The following IL1RAPL1 variants were observed in gnomAD, a reference collection of about 807,000 sequenced individuals.
The protein encoded by IL1RAPL1 is interleukin 1 receptor accessory protein like 1.
Under a neutral mutation model 48.4 loss-of-function variants are expected in IL1RAPL1, and 3 were observed. The observed-to-expected ratio is 0.06, with a 90% CI of 0.03 to 0.16. The LOEUF (loss-of-function observed/expected upper bound fraction) is 0.16. Ranked by LOEUF, IL1RAPL1 falls within the 10% of genes least tolerant of loss-of-function variation. The probability of loss-of-function intolerance (pLI) is 1.00; values close to 1 mark genes in which losing one functional copy is unlikely to be tolerated. For synonymous variants in IL1RAPL1, 185 were observed against 187.7 expected (o/e 0.99, Z 0.12); for missense variants, 349 against 530.6 (o/e 0.66, Z 3.36).
intron 6 of IL1RAPL1, among the ~76,000 whole-genome samples, chrX:29,698,417 C>T (rs966966706): frequency 9.0e-6 from 1 of 111,378 alleles, no homozygotes; most frequent in Non-Finnish European, 1.9e-5. Flanking sequence ...CCTGGTTATT[C>T]GCTGTCTTAG....
chrX:28,681,636 G>A (rs1601857509), intron 1 of IL1RAPL1, among the ~76,000 whole-genome samples: 4 of 111,384 alleles, frequency 3.6e-5, no homozygotes, highest in African/African-American at 1.3e-4. Flanking sequence ...TTGTTAAGAG[G>A]GTAGACCTTA....
chrX:29,470,899 C>A (rs1156914159), intron 5 of IL1RAPL1, among the ~76,000 whole-genome samples: 2 of 111,805 alleles, frequency 1.8e-5, no homozygotes, highest in African/African-American at 6.5e-5. Context: ...TCCCAAAGTG[C>A]CTGGTTTATT....
intron 5 of IL1RAPL1, among the ~76,000 whole-genome samples, chrX:29,617,458 A>G (rs1250724685): frequency 8.9e-6 from 1 of 112,302 alleles, no homozygotes; most frequent in Non-Finnish European, 1.9e-5. Context: ...GAAAGGAAGC[A>G]CAGTCCTTAA....
chrX:29,539,368 C>G (rs1021984198), intron 5 of IL1RAPL1, among the ~76,000 whole-genome samples: 1 of 111,528 alleles, frequency 9.0e-6, no homozygotes, highest in Non-Finnish European at 1.9e-5. Context: ...TATTGCTTCA[C>G]GTTAAAAACC....
intron 1 of IL1RAPL1, among the ~76,000 whole-genome samples, chrX:28,698,955 C>T (rs1328701108): frequency 1.8e-5 from 2 of 111,829 alleles, no homozygotes; most frequent in African/African-American, 6.5e-5. Context: ...AAATTCTGTC[C>T]TCACAATCTC....
At chrX:29,581,826 A>AT (rs1469651970) in intron 5 of IL1RAPL1, among the ~76,000 whole-genome samples, 1 of 111,662 alleles carries the variant, frequency 9.0e-6, no homozygotes, top group Non-Finnish European at 1.9e-5. Context: ...TGAACACAAT[A>AT]AACTGTTGAT....
At chrX:28,780,333 ATGTG>A (rs1171085384) in intron 1 of IL1RAPL1, among the ~76,000 whole-genome samples, 535 of 96,502 alleles carry the variant, frequency 5.5e-3, no homozygotes, top group Non-Finnish European at 7.8e-3. Context: ...GTGTGTGTGT[ATGTG>A]TGTGTGTGTG....
At chrX:28,796,292 A>T (rs765564979) in intron 2 of IL1RAPL1, among the ~76,000 whole-genome samples, 7 of 111,421 alleles carry the variant, frequency 6.3e-5, no homozygotes, top group Non-Finnish European at 1.1e-4. Context: ...ACATTTCAAA[A>T]CCAGTCATGC....
chrX:29,802,765 ATATATATATATATATATG>A (rs1484105003), intron 6 of IL1RAPL1, among the ~76,000 whole-genome samples: 6 of 26,714 alleles, frequency 2.2e-4, no homozygotes, highest in South Asian at 3.9e-3. Context: ...ATATATATAT[ATATATATATATATATATG>A]TGTGTGTGTA....
At chrX:29,540,353 G>A (rs1049968775) in intron 5 of IL1RAPL1, among the ~76,000 whole-genome samples, 1 of 110,808 alleles carries the variant, frequency 9.0e-6, no homozygotes. Context: ...TGGTCATATT[G>A]TCCAAAGCAA....
At chrX:29,259,463 A>C (rs1403196425) in intron 2 of IL1RAPL1, among the ~76,000 whole-genome samples, 1 of 111,208 alleles carries the variant, frequency 9.0e-6, no homozygotes, top group East Asian at 2.8e-4. Flanking sequence ...TGCTACTTCT[A>C]CATTTAGGGA....
rs144985694 is a variant in IL1RAPL1 at position 28,724,587 on chromosome X, C to G, written c.-24-64733C>G. Among the ~76,000 whole-genome samples the G allele has an allele frequency of 7.0e-3, 773 of 111,172 alleles. 3 individuals carry two copies. Among genetic ancestry groups the G allele is most frequent in the Middle Eastern group, 0.019 (4 of 213 alleles). On this transcript the variant is annotated intron_variant, in intron 1 of 10. Coordinates refer to ENST00000378993, the MANE Select transcript of IL1RAPL1 (RefSeq NM_014271.4). Reference sequence around the variant, plus strand: ...GTGTCTTTTAACTGGAGCATTTAGCCCATTTACATTTAAGGTTAATATTGT... The same window carrying G: ...GTGTCTTTTAACTGGAGCATTTAGCGCATTTACATTTAAGGTTAATATTGT...
chrX:29,454,396 A>G, intron 5 of IL1RAPL1, among the ~76,000 whole-genome samples: 1 of 111,918 alleles, frequency 8.9e-6, no homozygotes, highest in South Asian at 3.7e-4. Context: ...GAAGACAGAG[A>G]CAAGGGGACA....
At chrX:28,688,228 G>T (rs1297832441) in intron 1 of IL1RAPL1, among the ~76,000 whole-genome samples, 2 of 105,873 alleles carry the variant, frequency 1.9e-5, no homozygotes, top group African/African-American at 7.0e-5. Flanking sequence ...GTCTCACTCT[G>T]TTGTCTGGGC....
In IL1RAPL1 at chrX:28,792,834, TATATATATATATATATAA is replaced by T. The variant is rs1293856288; in HGVS notation, c.82+3411_82+3428del. Among the ~76,000 whole-genome samples, 91 of 59,866 alleles carry T rather than the reference TATATATATATATATATAA, an allele frequency of 1.5e-3. 2 individuals are homozygous for T. Among genetic ancestry groups the T allele is most frequent in the African/African-American group, 5.9e-3 (72 of 12,174 alleles). The allele number at this position is 59,866 out of a possible 115,157, so 52.0% of individuals were successfully genotyped here. A position where few individuals can be genotyped will look rare whatever the true frequency, so the allele number is the denominator to read the frequency against. The stretch of plus-strand genomic sequence containing the variant: ...AAAAAAAAATATATATATATATATA[TATATATATATATATATAA>T]AAAATAAGGCAATTATATCATTATA... On this transcript the variant is annotated intron_variant, in intron 2 of 10. Coordinates refer to ENST00000378993, the MANE Select transcript of IL1RAPL1 (RefSeq NM_014271.4).
chrX:29,735,139 T>C (rs908645717), intron 6 of IL1RAPL1, among the ~76,000 whole-genome samples: 2 of 111,963 alleles, frequency 1.8e-5, no homozygotes, highest in African/African-American at 6.5e-5. Flanking sequence ...TGCATCCCTT[T>C]CTGGAGGCTC....
At chrX:28,905,580 T>A (rs758454797) in intron 2 of IL1RAPL1, among the ~76,000 whole-genome samples, 1 of 112,130 alleles carries the variant, frequency 8.9e-6, no homozygotes, top group Non-Finnish European at 1.9e-5. Context: ...GGTATCTTTC[T>A]GAATTAGAAC....
intron 2 of IL1RAPL1, among the ~76,000 whole-genome samples, chrX:28,851,212 G>A (rs1397671705): frequency 9.1e-6 from 1 of 109,359 alleles, no homozygotes; most frequent in African/African-American, 3.3e-5. Context: ...CCAGGATCAA[G>A]ACAATGAGAC....
chrX:29,395,665 A>G (rs1428484603), intron 3 of IL1RAPL1, among the ~76,000 whole-genome samples: 1 of 111,940 alleles, frequency 8.9e-6, no homozygotes, highest in Non-Finnish European at 1.9e-5. Flanking sequence ...ACCCAAGTAG[A>G]TATGGGTCGA....
Sources: gnomAD v4.1 joint callset for allele counts (sites outside exome capture counted in the v4.1 genomes callset) on GRCh38, gnomAD v4.1.1 for gene constraint, MANE v1.5 for transcripts, NCBI Gene and HGNC (gene_info 2026-07-23, HGNC 2026-07-21) for gene names.